The following ZNF592 variants were observed in gnomAD, a reference collection of about 807,000 sequenced individuals.
ZNF592 encodes zinc finger protein 592.
Under a neutral mutation model 80.3 loss-of-function variants are expected in ZNF592, and 11 were observed. That is an observed-to-expected ratio of 0.14 (90% CI 0.09 to 0.23). The LOEUF (loss-of-function observed/expected upper bound fraction) is 0.23. ZNF592 is among the 10% of genes least tolerant of loss of function. The pLI is 1.00. For missense variants in ZNF592, 1,420 were observed against 1,633.9 expected, an observed-to-expected ratio of 0.87 and a Z score of 2.26; for synonymous variants, 646 against 640.3, an observed-to-expected ratio of 1.01 and a Z score of -0.13.
At chr15:84,755,247 T>C (rs1899135204) in intron 1 of ZNF592, among the ~76,000 whole-genome samples, 1 of 151,816 alleles carries the variant, frequency 6.6e-6, no homozygotes, top group South Asian at 2.1e-4. Flanking sequence ...ATTACAGGCA[T>C]GAGTCACTGC....
Position 84,782,831 on chromosome 15 carries a change from G to A in ZNF592, c.156G>A (p.Val52=). 2 of 1,614,114 alleles carry A rather than the reference G, an allele frequency of 1.2e-6. No homozygotes were observed. Among genetic ancestry groups the A allele is most frequent in the Non-Finnish European group, 1.7e-6 (2 of 1,180,022 alleles). ...KPPGICMDES[V]SLSHSGSAPD... is the part of the protein sequence containing the mutation. ...CAGGCATATGTATGGATGAAAGTGT[G>A]TCCTTGTCTCACTCAGGATCAGCCC... Residue 52 remains valine (V), a synonymous_variant, in exon 4 of 11, where the codon GTG becomes GTA. Coordinates refer to ENST00000560079, the MANE Select transcript of ZNF592 (RefSeq NM_014630.3).
chr15:84,803,608 T>G lies in ZNF592; in HGVS notation c.*1215T>G. The stretch of plus-strand genomic sequence containing the variant: ...GAAATTTTCTAGGCACCTTCATCTT[T>G]CCTTCAGTTGATTTTCAACATAAGA... On this transcript the variant is annotated 3_prime_UTR_variant, in exon 11 of 11. Transcript: ENST00000560079. 6.6e-6 allele frequency: 1 copy of G among 152,232 alleles called. No homozygotes were observed. 9.4% of individuals were successfully genotyped at this position (152,232 alleles called of 1,614,324 possible). A position where few individuals can be genotyped will look rare whatever the true frequency, so the allele number is the denominator to read the frequency against.
chr15:84,795,648 C>T (rs1962873729), intron 5 of ZNF592, among the ~76,000 whole-genome samples: 1 of 152,190 alleles, frequency 6.6e-6, no homozygotes, highest in Non-Finnish European at 1.5e-5. Flanking sequence ...GCTTTTTTCT[C>T]CTCATAATAC....
chr15:84,760,261 C>T (rs180727164), intron 1 of ZNF592, among the ~76,000 whole-genome samples: 2 of 152,298 alleles, frequency 1.3e-5, no homozygotes, highest in Admixed American at 6.5e-5. Flanking sequence ...CCATCATCTG[C>T]TTCCCAGCCA....
chr15:84,800,499 A>G (rs1003075990), intron 10 of ZNF592, among the ~76,000 whole-genome samples: 7 of 151,194 alleles, frequency 4.6e-5, no homozygotes, highest in South Asian at 2.1e-4. Flanking sequence ...TTTCCTCCTC[A>G]CTCCAGCCTC....
chr15:84,784,963 A>G lies in ZNF592; in HGVS notation c.2220+68A>G. The G allele has an allele frequency of 1.9e-6, 3 of 1,568,902 alleles. No homozygotes were observed. Among genetic ancestry groups the G allele is most frequent in the Non-Finnish European group, 2.6e-6 (3 of 1,140,232 alleles). ...ACACAGGTTCCATGACTGGGCATGG[A>G]GAGGAAAGCTCATTGATATGGGGGC... is the stretch of plus-strand genomic sequence containing the variant. On this transcript the variant is annotated intron_variant, in intron 4 of 10. Transcript: ENST00000560079. This position sits in a 1 kb window ranked among gnomAD's most constrained non-coding sequence, Gnocchi z 5.8.
At position 84,799,143 on chromosome 15, in the gene ZNF592, A is replaced by G. The variant is rs755278969; in HGVS notation, c.3070A>G (p.Thr1024Ala). Residue 1024 changes from threonine to alanine, a missense_variant, in exon 9 of 11, where the codon ACC becomes GCC. Physicochemically the swap from Thr to Ala is moderately conservative, Grantham distance 58 (BLOSUM62 0). Around this residue, in one of 7 missense-constraint regions of ZNF592, gnomAD observed 331 missense variants for 347.0 expected, o/e 0.95. Transcript: ENST00000560079. The surrounding 1 kb of genome is among the most constrained non-coding windows in gnomAD (Gnocchi z 4.2). The stretch of plus-strand genomic sequence containing the variant: ...CCGGCAGTGTGAACAGTCCTTCCAC[A>G]CCCCCAACAGCCTGCGCAAACACAT... ...PCRQCEQSFH[T>A]PNSLRKHIRN... 4 of 1,613,872 alleles carry G rather than the reference A, an allele frequency of 2.5e-6. No individual in the cohort carries two copies. The highest frequency in any genetic ancestry group is 2.2e-5 in the South Asian group (2 of 91,072).
At chr15:84,774,834 A>G (rs11633377) in intron 2 of ZNF592, among the ~76,000 whole-genome samples, 30,745 of 152,040 alleles carry the variant, frequency 0.2, 3,825 homozygotes, top group Middle Eastern at 0.37. Context: ...AGGCTGGAGT[A>G]CAATGGCGTG....
rs754080330 is a variant in ZNF592 at position 84,771,157 on chromosome 15, C to CA, written c.-150+6343dup. Among the ~76,000 whole-genome samples, 11 of 152,206 alleles carry CA rather than the reference C, an allele frequency of 7.2e-5. 1 individual carries two copies. Among genetic ancestry groups the CA allele is most frequent in the East Asian group, 1.9e-4 (1 of 5,178 alleles). ...ATAGAGGGGAAAGACATGACCCCCACACAGGAGAGGCTCACATACTGATGG... is the reference window on the plus strand; with the variant it reads ...ATAGAGGGGAAAGACATGACCCCCACAACAGGAGAGGCTCACATACTGATGG... On this transcript the variant is annotated intron_variant, in intron 2 of 10. Coordinates refer to ENST00000560079, the MANE Select transcript of ZNF592 (RefSeq NM_014630.3).
In ZNF592 at chr15:84,799,329, C is replaced by A; in HGVS notation, c.3137+119C>A. 3 of 1,091,464 alleles carry A rather than the reference C, an allele frequency of 2.7e-6. No individual in the cohort carries two copies. The highest frequency in any genetic ancestry group is 4.2e-6 in the Non-Finnish European group (3 of 717,264). The allele number at this position is 1,091,464 out of a possible 1,614,324, so 67.6% of individuals were successfully genotyped here. ...TCTAAGACAAGAGACAAGTGATTTC[C>A]AACTGGAAGAAATTGCGGCTAAGTC... On this transcript the variant is annotated intron_variant, in intron 9 of 10. Transcript: ENST00000560079. This position sits in a 1 kb window ranked among gnomAD's most constrained non-coding sequence, Gnocchi z 4.2.
intron 1 of ZNF592, among the ~76,000 whole-genome samples, chr15:84,757,969 C>CTT (rs1220246285): frequency 1.4e-5 from 2 of 140,318 alleles, no homozygotes; most frequent in African/African-American, 5.3e-5. Flanking sequence ...GCCGTTAATC[C>CTT]TTTTTTTTTT....
At position 84,799,437 on chromosome 15, in the gene ZNF592, G is replaced by T. The variant is rs1963030087; in HGVS notation, c.3137+227G>T. Among the ~76,000 whole-genome samples, 1 of 152,190 alleles carries T rather than the reference G, an allele frequency of 6.6e-6. No individual in the cohort carries two copies. The highest frequency in any genetic ancestry group is 6.5e-5 in the Admixed American group (1 of 15,284). Reference sequence around the variant, plus strand: ...TCTCGTCACTCTCTAGCCCAGGACTGCACAGCCCATCAGTCACGAAGCATC... The same window carrying T: ...TCTCGTCACTCTCTAGCCCAGGACTTCACAGCCCATCAGTCACGAAGCATC... On this transcript the variant is annotated intron_variant, in intron 9 of 10. Transcript: ENST00000560079. The surrounding 1 kb of genome is among the most constrained non-coding windows in gnomAD (Gnocchi z 4.2).
rs150027020 is a variant in ZNF592 at position 84,780,565 on chromosome 15, T to C, written c.-19-2092T>C. On this transcript the variant is annotated intron_variant, in intron 3 of 10. Coordinates refer to ENST00000560079, the MANE Select transcript of ZNF592 (RefSeq NM_014630.3). ...ACCCATGTTTAGGTAATTGGTATTG[T>C]ACTTTATTATTACCATAATTAGATA... 4.0e-3 allele frequency among the ~76,000 whole-genome samples: 603 copies of C among 152,322 alleles called. 2 individuals carry two copies. Among genetic ancestry groups the C allele is most frequent in the African/African-American group, 0.014 (574 of 41,564 alleles).
At position 84,799,530 on chromosome 15, in the gene ZNF592, C is replaced by T. The variant is rs1440654717; in HGVS notation, c.3138-312C>T. 1.3e-5 allele frequency among the ~76,000 whole-genome samples: 2 copies of T among 152,238 alleles called. No individual in the cohort carries two copies. The highest frequency in any genetic ancestry group is 2.9e-5 in the Non-Finnish European group (2 of 68,040). ...TGGGGCCGAGAGGCTTCTGCACCAT[C>T]TGCCTGTGCCTTGGGGTGGCCCCAG... On this transcript the variant is annotated intron_variant, in intron 9 of 10. Coordinates refer to ENST00000560079, the MANE Select transcript of ZNF592 (RefSeq NM_014630.3). The surrounding 1 kb of genome is among the most constrained non-coding windows in gnomAD (Gnocchi z 4.2).
At position 84,783,895 on chromosome 15, in the gene ZNF592, G is replaced by C; in HGVS notation, c.1220G>C (p.Gly407Ala). ...GATGATCCAAGTAAGTCCCCTGTTG[G>C]GTCACCTCTAGGGAGCGCCATTGCA... ...DPDDPSKSPV[G>A]SPLGSAIAEA... The change falls in exon 4 of 11, where the codon GGG (glycine) becomes GCG (alanine). Residue 407 changes from glycine to alanine, a missense_variant. By Grantham distance (60) the Gly-to-Ala change is moderately conservative. Transcript: ENST00000560079. This position sits in a 1 kb window ranked among gnomAD's most constrained non-coding sequence, Gnocchi z 5.0. The C allele has an allele frequency of 6.2e-7, 1 of 1,614,164 alleles. No individual in the cohort carries two copies. Among genetic ancestry groups the C allele is most frequent in the South Asian group, 1.1e-5 (1 of 91,086 alleles).
rs1198042559 is a variant in ZNF592 at position 84,790,778 on chromosome 15, A to G, written c.2294A>G (p.Lys765Arg). 2 of 1,614,176 alleles carry G rather than the reference A, an allele frequency of 1.2e-6. No homozygotes were observed. The highest frequency in any genetic ancestry group is 1.7e-6 in the Non-Finnish European group (2 of 1,180,028). ...GCCCACCAGCGGATTCATGCACACA[A>G]GTCCCCCTACTGCTGCCCGGAGTGT... Reference protein sequence around the residue: ...FCAHQRIHAHKSPYCCPECGV... With the variant: ...FCAHQRIHAHRSPYCCPECGV... Residue 765 changes from lysine to arginine, a missense_variant, in exon 5 of 11, where the codon AAG becomes AGG. Around this residue, in one of 7 missense-constraint regions of ZNF592, gnomAD observed 524 missense variants for 628.3 expected, o/e 0.83. Coordinates refer to ENST00000560079, the MANE Select transcript of ZNF592 (RefSeq NM_014630.3).
chr15:84,785,995 C>T (rs536244001), intron 4 of ZNF592, among the ~76,000 whole-genome samples: 5 of 152,278 alleles, frequency 3.3e-5, no homozygotes, highest in Admixed American at 2.0e-4. Context: ...TAGCCAGACC[C>T]ACCCCTCATG....
In ZNF592 at chr15:84,802,525, C is replaced by A; in HGVS notation, c.*132C>A. 9.0e-7 allele frequency: 1 copy of A among 1,108,026 alleles called. No homozygotes were observed. Among genetic ancestry groups the A allele is most frequent in the Non-Finnish European group, 1.3e-6 (1 of 759,912 alleles). 68.6% of individuals were successfully genotyped at this position (1,108,026 alleles called of 1,614,324 possible). A position where few individuals can be genotyped will look rare whatever the true frequency, so the allele number is the denominator to read the frequency against. On this transcript the variant is annotated 3_prime_UTR_variant, in exon 11 of 11. Transcript: ENST00000560079. ...GGTTGTACCCTGGAGTAGTGTCTGC[C>A]CTGAGCTGCCAGTGCTGGGTATCCC... is the stretch of plus-strand genomic sequence containing the variant.
chr15:84,751,316 T>C (rs374182431), intron 1 of ZNF592, among the ~76,000 whole-genome samples: 1 of 152,260 alleles, frequency 6.6e-6, no homozygotes, highest in Non-Finnish European at 1.5e-5. Flanking sequence ...AGATGACTTA[T>C]TCAAAGCCAC....
Sources: gnomAD v4.1 joint callset for allele counts (sites outside exome capture counted in the v4.1 genomes callset) on GRCh38, gnomAD v4.1.1 for gene constraint, gnomAD v4.1.1 regional missense constraint, Gnocchi (gnomAD v3.1) non-coding constraint, MANE v1.5 for transcripts, NCBI Gene and HGNC (gene_info 2026-07-23, HGNC 2026-07-21) for gene names.